Variants in TSPAN9 observed in about 807,000 individuals in gnomAD.
TSPAN9 encodes tetraspanin-9.
TSPAN9 carries 16 observed loss-of-function variants against 31.0 expected under a neutral mutation model. The ratio of observed to expected loss-of-function variants is 0.52; its 90% CI spans 0.35 to 0.78. The LOEUF (loss-of-function observed/expected upper bound fraction) is 0.78. Among genes scored for constraint, TSPAN9 ranks in the 30% least tolerant of loss-of-function variants. The probability of loss-of-function intolerance (pLI) is 0.01; values close to 1 mark genes in which losing one functional copy is unlikely to be tolerated. For missense variants in TSPAN9, 272 were observed against 312.5 expected (o/e 0.87, Z 0.98); for synonymous variants, 145 against 121.6 (o/e 1.19, Z -1.27).
intron 3 of TSPAN9, among the ~76,000 whole-genome samples, chr12:3,264,726 C>T (rs1022002144): frequency 6.6e-6 from 1 of 152,190 alleles, no homozygotes; most frequent in African/African-American, 2.4e-5. Context: ...CTCATAATGG[C>T]TTTCATTTAT....
intron 2 of TSPAN9, among the ~76,000 whole-genome samples, chr12:3,122,162 CA>C (rs2098325416): frequency 6.6e-6 from 1 of 152,030 alleles, no homozygotes; most frequent in Admixed American, 6.5e-5. Context: ...AGTGAAACCC[CA>C]TTTCTACTAA....
At chr12:3,217,306 CT>C (rs1369753791) in intron 3 of TSPAN9, among the ~76,000 whole-genome samples, 5 of 152,292 alleles carry the variant, frequency 3.3e-5, no homozygotes, top group Middle Eastern at 3.4e-3. Flanking sequence ...TGGGGTTGGG[CT>C]TAGATCTTGC....
At chr12:3,125,447 C>G (rs1468256301) in intron 2 of TSPAN9, among the ~76,000 whole-genome samples, 1 of 152,056 alleles carries the variant, frequency 6.6e-6, no homozygotes, top group Admixed American at 6.6e-5. Flanking sequence ...ACACATTCTT[C>G]CCCCCGCAGT....
chr12:3,085,944 T>TGAGTGGC (rs2098300233), intron 2 of TSPAN9, among the ~76,000 whole-genome samples: 2 of 152,340 alleles, frequency 1.3e-5, no homozygotes, highest in South Asian at 4.1e-4. Flanking sequence ...CCCTGCCCCG[T>TGAGTGGC]GAGTGGCGAG....
chr12:3,249,441 C>T (rs968297400), intron 3 of TSPAN9, among the ~76,000 whole-genome samples: 2 of 152,214 alleles, frequency 1.3e-5, no homozygotes, highest in Admixed American at 6.5e-5. Context: ...CTGTCTCAAA[C>T]GTTGCTTCTT....
chr12:3,099,754 G>T lies in TSPAN9; in HGVS notation c.-18+16035G>T, dbSNP rs188862032. On this transcript the variant is annotated intron_variant, in intron 2 of 8. Coordinates refer to ENST00000011898, the MANE Select transcript of TSPAN9 (RefSeq NM_006675.5). ...TGGGGTAGACCCAGACCAGCCTTTA[G>T]TCTAGGGCTCACTTAGCCTCACTGC... is the stretch of plus-strand genomic sequence containing the variant. Among the ~76,000 whole-genome samples the T allele has an allele frequency of 2.0e-5, 3 of 151,830 alleles. No individual in the cohort carries two copies. In the East Asian group the frequency reaches 5.8e-4, roughly 29 times the overall value.
At chr12:3,272,497 G>GT (rs58506877) in intron 3 of TSPAN9, among the ~76,000 whole-genome samples, 1,741 of 144,650 alleles carry the variant, frequency 0.012, 26 homozygotes, top group African/African-American at 0.037. Context: ...GTGCATGTGT[G>GT]TTTTTTTTTT....
chr12:3,250,888 AGGGACTGAGGTTGGACCGGGGTGACAG>A (rs1016873609), intron 3 of TSPAN9, among the ~76,000 whole-genome samples: 18 of 152,214 alleles, frequency 1.2e-4, no homozygotes, highest in African/African-American at 3.4e-4. Flanking sequence ...GGGCCCTGAG[AGGGACTGAGGTTGGACCGGGGTGACAG>A]GGTGGCATAT....
chr12:3,240,630 G>C (rs3825353), intron 3 of TSPAN9, among the ~76,000 whole-genome samples: 1 of 151,990 alleles, frequency 6.6e-6, no homozygotes, highest in Non-Finnish European at 1.5e-5. Flanking sequence ...TTAAGACACA[G>C]CTGGCACTTG....
intron 3 of TSPAN9, among the ~76,000 whole-genome samples, chr12:3,203,790 T>G (rs2098373368): frequency 6.6e-6 from 1 of 152,180 alleles, no homozygotes; most frequent in African/African-American, 2.4e-5. Context: ...TGCTTGTGTG[T>G]AAGAGTGTTT....
At chr12:3,182,531 C>T (rs1032953946) in intron 2 of TSPAN9, among the ~76,000 whole-genome samples, 2 of 151,852 alleles carry the variant, frequency 1.3e-5, no homozygotes, top group African/African-American at 4.8e-5. Flanking sequence ...CATTCGTCTG[C>T]CCATTCATTC....
At chr12:3,184,228 T>C (rs114722887) in intron 2 of TSPAN9, among the ~76,000 whole-genome samples, 1 of 151,856 alleles carries the variant, frequency 6.6e-6, no homozygotes, top group Non-Finnish European at 1.5e-5. Context: ...CAAAATCCCA[T>C]CTCTAGAAAA....
intron 2 of TSPAN9, chr12:3,200,002 C>T (rs1276781702): frequency 6.6e-6 from 1 of 152,438 alleles, no homozygotes; most frequent in Non-Finnish European, 1.5e-5. Context: ...TCCTTCTCCC[C>T]AGACCTTTCC....
At chr12:3,238,138 G>A (rs1309397195) in intron 3 of TSPAN9, among the ~76,000 whole-genome samples, 1 of 152,046 alleles carries the variant, frequency 6.6e-6, no homozygotes, top group Non-Finnish European at 1.5e-5. Context: ...TCTCTCTCTG[G>A]TAGAGAAGAT....
At chr12:3,104,158 G>C (rs2098313120) in intron 2 of TSPAN9, among the ~76,000 whole-genome samples, 1 of 152,070 alleles carries the variant, frequency 6.6e-6, no homozygotes, top group Non-Finnish European at 1.5e-5. Flanking sequence ...GAGTGAGCAA[G>C]GGGAAGGTCA....
intron 3 of TSPAN9, among the ~76,000 whole-genome samples, chr12:3,255,370 G>T (rs73047065): frequency 0.041 from 6,299 of 152,310 alleles, 173 homozygotes; most frequent in Non-Finnish European, 0.062. Flanking sequence ...CAGCTGACTG[G>T]CTCTGCCCAC....
intron 3 of TSPAN9, among the ~76,000 whole-genome samples, chr12:3,273,926 C>T (rs1248726641): frequency 6.6e-6 from 1 of 152,232 alleles, no homozygotes; most frequent in Non-Finnish European, 1.5e-5. Flanking sequence ...GGGCATATCG[C>T]TGTCATTGGC....
In TSPAN9 at chr12:3,187,952, T is replaced by C. The variant is rs1030202846; in HGVS notation, c.-17-13225T>C. 1.3e-5 allele frequency among the ~76,000 whole-genome samples: 2 copies of C among 152,206 alleles called. No individual in the cohort carries two copies. The highest frequency in any genetic ancestry group is 4.8e-5 in the African/African-American group (2 of 41,454). ...CCAGATGCAGATGGAGCGTTTGCTC[T>C]GTAATGCTAATTCTCCTTGGCAGCA... On this transcript the variant is annotated intron_variant, in intron 2 of 8. Coordinates refer to ENST00000011898, the MANE Select transcript of TSPAN9 (RefSeq NM_006675.5). The surrounding 1 kb of genome is among the most constrained non-coding windows in gnomAD (Gnocchi z 5.2).
intron 2 of TSPAN9, among the ~76,000 whole-genome samples, chr12:3,101,084 G>A (rs1565575651): frequency 1.3e-5 from 2 of 152,298 alleles, no homozygotes; most frequent in South Asian, 4.2e-4. Flanking sequence ...TCTGGAGGAG[G>A]GTGACTGGGA....
Sources: gnomAD v4.1 joint callset for allele counts (sites outside exome capture counted in the v4.1 genomes callset) on GRCh38, gnomAD v4.1.1 for gene constraint, Gnocchi (gnomAD v3.1) non-coding constraint, MANE v1.5 for transcripts, NCBI Gene and HGNC (gene_info 2026-07-23, HGNC 2026-07-21) for gene names.